Variants in TSC22D2 observed in about 807,000 individuals in gnomAD.
TSC22D2 encodes TSC22 domain family member 2, also known as TSC22 domain family protein 2.
A neutral mutation model predicts 50.1 loss-of-function variants in TSC22D2; 5 were observed. The ratio of observed to expected loss-of-function variants is 0.10; its 90% CI spans 0.05 to 0.21. The LOEUF (loss-of-function observed/expected upper bound fraction) is 0.21, where lower values mean the gene tolerates loss of function less well. TSC22D2 is among the 10% of genes least tolerant of loss of function. The pLI, the probability that TSC22D2 is intolerant of heterozygous loss-of-function variation, is 1.00. For missense variants in TSC22D2, 1,003 were observed against 1,015.5 expected (o/e 0.99, Z 0.17); for synonymous variants, 501 against 450.1 (o/e 1.11, Z -1.43).
chr3:150,421,225 C>G (rs1467207495), intron 1 of TSC22D2, among the ~76,000 whole-genome samples: 1 of 152,012 alleles, frequency 6.6e-6, no homozygotes, highest in Non-Finnish European at 1.5e-5. Context: ...TATATACTAC[C>G]TTCCTCTTTG....
intron 1 of TSC22D2, among the ~76,000 whole-genome samples, chr3:150,456,563 T>A (rs6807568): frequency 0.035 from 5,259 of 151,950 alleles, 145 homozygotes; most frequent in Middle Eastern, 0.065. Flanking sequence ...AAGTTTTTTT[T>A]AAAAAACTAG....
intron 1 of TSC22D2, among the ~76,000 whole-genome samples, chr3:150,419,443 A>T (rs541663338): frequency 6.6e-6 from 1 of 152,052 alleles, no homozygotes; most frequent in African/African-American, 2.4e-5. Flanking sequence ...CCAGATAATA[A>T]TACTGGAGAT....
chr3:150,422,185 T>G lies in TSC22D2; in HGVS notation c.1958+10877T>G, dbSNP rs779622534. ...CATGGGCTAAGAATTTTAAAAGTTA[T>G]GTGGCAAAGTTTTTTTGGCTTCCAG... On this transcript the variant is annotated intron_variant, in intron 1 of 2. Transcript: ENST00000688009. Among the ~76,000 whole-genome samples, 5 of 152,366 alleles carry G rather than the reference T, an allele frequency of 3.3e-5. No homozygotes were observed. In the South Asian group the frequency reaches 8.3e-4, roughly 25 times the overall value.
chr3:150,458,893 T>A lies in TSC22D2; in HGVS notation c.*257T>A, dbSNP rs1721281654. 3 of 398,950 alleles carry A rather than the reference T, an allele frequency of 7.5e-6. No homozygotes were observed. The highest frequency in any genetic ancestry group is 1.3e-5 in the Non-Finnish European group (3 of 224,864). The allele number at this position is 398,950 out of a possible 1,614,324, so 24.7% of individuals were successfully genotyped here. On this transcript the variant is annotated 3_prime_UTR_variant, in exon 3 of 3. Transcript: ENST00000688009. ...TTATTAAAGCGAGCAAAGTCTGCAT[T>A]TTACCTGGTGCGCATGAGTGGGGTC... is the stretch of plus-strand genomic sequence containing the variant.
rs1325506602 is a variant in TSC22D2, at chr3:150,462,010, ATTTCT to A, written c.*3377_*3381del. On this transcript the variant is annotated 3_prime_UTR_variant, in exon 3 of 3. Transcript: ENST00000688009. ...GGCTCAGTGGCAAGCACTTTGTGAC[ATTTCT>A]TTAATAATCCTATGAAAAGGACAAA... 2.0e-5 allele frequency: 3 copies of A among 152,174 alleles called. No individual in the cohort carries two copies. The highest frequency in any genetic ancestry group is 4.4e-5 in the Non-Finnish European group (3 of 68,018). The allele number at this position is 152,174 out of a possible 1,614,324, so 9.4% of individuals were successfully genotyped here. A position where few individuals can be genotyped will look rare whatever the true frequency, so the allele number is the denominator to read the frequency against.
chr3:150,440,760 T>C (rs1720688541), intron 1 of TSC22D2, among the ~76,000 whole-genome samples: 1 of 152,070 alleles, frequency 6.6e-6, no homozygotes, highest in South Asian at 2.1e-4. Flanking sequence ...TTGGTTTTGT[T>C]TTCCTTTGTA....
chr3:150,414,451 A>G (rs1719723080), intron 1 of TSC22D2, among the ~76,000 whole-genome samples: 1 of 152,236 alleles, frequency 6.6e-6, no homozygotes, highest in African/African-American at 2.4e-5. Context: ...ATAGATAGCC[A>G]ACCAATGTGA....
In TSC22D2 at chr3:150,465,572, G is replaced by A. The variant is rs1721522680; in HGVS notation, c.*6936G>A. The A allele has an allele frequency of 1.3e-5, 2 of 152,136 alleles. No homozygotes were observed. The highest frequency in any genetic ancestry group is 2.1e-4 in the South Asian group (1 of 4,828). 9.4% of individuals were successfully genotyped at this position (152,136 alleles called of 1,614,324 possible). A position where few individuals can be genotyped will look rare whatever the true frequency, so the allele number is the denominator to read the frequency against. On this transcript the variant is annotated 3_prime_UTR_variant, in exon 3 of 3. Transcript: ENST00000688009. ...TTTAATGTCCTAAAGAAACATACAT[G>A]TGTTCACAAGATAGCCTGTACAATG...
intron 1 of TSC22D2, among the ~76,000 whole-genome samples, chr3:150,418,417 G>A (rs1404257489): frequency 6.6e-6 from 1 of 151,912 alleles, no homozygotes; most frequent in Non-Finnish European, 1.5e-5. Flanking sequence ...ATTATTCTCT[G>A]CATAGGTATT....
chr3:150,449,832 T>C (rs1471492318), intron 1 of TSC22D2, among the ~76,000 whole-genome samples: 6 of 152,202 alleles, frequency 3.9e-5, no homozygotes, highest in Non-Finnish European at 7.4e-5. Flanking sequence ...CATTATAGTT[T>C]TAATTTGTAT....
rs764793176 is a variant in TSC22D2, at chr3:150,410,327, C to G, written c.977C>G (p.Pro326Arg). ...GGGCCCGGGGGACAGACTCTGCCGC[C>G]GACGAATGTAACCCTGGCGCAGCCG... ...GAGPGGQTLP[P>R]TNVTLAQPAM... is the part of the protein sequence containing the mutation. Residue 326 changes from proline to arginine, a missense_variant, in exon 1 of 3, where the codon CCG (proline) becomes CGG (arginine). By Grantham distance (103) the Pro-to-Arg change is moderately radical. This residue lies in a region of TSC22D2 where 696 missense variants were observed against 647.8 expected (regional missense o/e 1.07). Transcript: ENST00000688009. 2.8e-5 allele frequency: 44 copies of G among 1,580,714 alleles called. 2 individuals are homozygous for G. In the East Asian group the frequency reaches 4.6e-4, roughly 16 times the overall value.
chr3:150,419,431 C>T (rs1029828447), intron 1 of TSC22D2, among the ~76,000 whole-genome samples: 19 of 152,100 alleles, frequency 1.2e-4, no homozygotes, highest in Middle Eastern at 6.8e-3. Flanking sequence ...CATTTAAATT[C>T]CCCAGATAAT....
intron 1 of TSC22D2, among the ~76,000 whole-genome samples, chr3:150,425,479 G>A (rs1720149370): frequency 6.6e-6 from 1 of 152,174 alleles, no homozygotes; most frequent in Non-Finnish European, 1.5e-5. Flanking sequence ...TTGCGCTATT[G>A]CACTCCAACC....
intron 1 of TSC22D2, among the ~76,000 whole-genome samples, chr3:150,448,653 T>C (rs947550873): frequency 1.3e-5 from 2 of 152,182 alleles, no homozygotes; most frequent in African/African-American, 4.8e-5. Context: ...TGTATCAGTC[T>C]TCAATTTCTC....
At chr3:150,426,492 C>A (rs1720196470) in intron 1 of TSC22D2, among the ~76,000 whole-genome samples, 1 of 152,112 alleles carries the variant, frequency 6.6e-6, no homozygotes, top group Non-Finnish European at 1.5e-5. Context: ...TTATAGCAAA[C>A]AATTTTACCC....
Position 150,409,237 on chromosome 3 carries a change from A to C in TSC22D2, c.-114A>C, listed in dbSNP as rs1719397877. On this transcript the variant is annotated 5_prime_UTR_variant, in exon 1 of 3. Coordinates refer to ENST00000688009, the MANE Select transcript of TSC22D2 (RefSeq NM_001303264.2). This position sits in a 1 kb window ranked among gnomAD's most constrained non-coding sequence, Gnocchi z 7.4. ...GTGACTCTTAACAGCGGCGGGCCTC[A>C]GACCCCAGCGCAGACTCGGACTTTG... The C allele has an allele frequency of 2.4e-6, 3 of 1,267,864 alleles. No individual in the cohort carries two copies. The highest frequency in any genetic ancestry group is 3.0e-5 in the African/African-American group (2 of 66,622). The allele number at this position is 1,267,864 out of a possible 1,614,324, so 78.5% of individuals were successfully genotyped here. A position where few individuals can be genotyped will look rare whatever the true frequency, so the allele number is the denominator to read the frequency against.
intron 1 of TSC22D2, among the ~76,000 whole-genome samples, chr3:150,418,430 T>C (rs1243346796): frequency 1.3e-5 from 2 of 152,000 alleles, no homozygotes; most frequent in East Asian, 3.8e-4. Flanking sequence ...TAGGTATTTA[T>C]ATAGTTCAAA....
chr3:150,445,881 G>A (rs1255980530), intron 1 of TSC22D2, among the ~76,000 whole-genome samples: 3 of 151,984 alleles, frequency 2.0e-5, no homozygotes, highest in African/African-American at 7.3e-5. Flanking sequence ...GGATGACAAG[G>A]TCAGGAGTTC....
intron 1 of TSC22D2, among the ~76,000 whole-genome samples, chr3:150,430,410 G>C (rs1034947759): frequency 6.6e-5 from 10 of 152,188 alleles, no homozygotes; most frequent in Non-Finnish European, 1.3e-4. Flanking sequence ...CAATGGGGAT[G>C]AGATAGGAAT....
Sources: allele counts gnomAD v4.1 joint callset (sites outside exome capture counted in the v4.1 genomes callset), GRCh38; gene constraint gnomAD v4.1.1; regional missense constraint gnomAD v4.1.1; non-coding constraint Gnocchi (gnomAD v3.1); transcripts MANE v1.5; gene names NCBI Gene and HGNC (gene_info 2026-07-23, HGNC 2026-07-21).